TMC5: variants seen among roughly 807,000 people sequenced by gnomAD.
The protein encoded by TMC5 is transmembrane channel-like protein 5.
Under a neutral mutation model 110.5 loss-of-function variants are expected in TMC5, and 86 were observed. The ratio of observed to expected loss-of-function variants is 0.78; its 90% CI spans 0.65 to 0.93. TMC5 has a LOEUF of 0.93. Among genes scored for constraint, TMC5 ranks in the 40% least tolerant of loss-of-function variants. The probability of loss-of-function intolerance (pLI) is 0.00; values close to 1 mark genes in which losing one functional copy is unlikely to be tolerated. For synonymous variants in TMC5, 455 were observed against 439.5 expected (o/e 1.04, Z -0.44); for missense variants, 1,144 against 1,222.8 (o/e 0.94, Z 0.96).
chr16:19,487,439 C>G (rs11866114), intron 17 of TMC5, 113 bp downstream of exon 17: 129,480 of 1,371,756 alleles, frequency 0.094, 9,151 homozygotes, highest in East Asian at 0.39. Context: ...CAGTGGCTCA[C>G]GCCTGTGATC....
chr16:19,470,816 G>T (rs1156620548), intron 10 of TMC5, among the ~76,000 whole-genome samples: 22 of 150,114 alleles, frequency 1.5e-4, no homozygotes, highest in African/African-American at 5.2e-4. Context: ...GGCATATCAT[G>T]AGGTCAGGAG....
At position 19,436,295 on chromosome 16, in the gene TMC5, A is replaced by AAAAGAAAG. The variant is rs1491247478; in HGVS notation, c.-79-3665_-79-3664insAAAGAAAG. Among the ~76,000 whole-genome samples, 8 of 150,786 alleles carry AAAAGAAAG rather than the reference A, an allele frequency of 5.3e-5. No individual in the cohort carries two copies. The South Asian group carries it at 1.0e-3, about 20-fold the overall frequency. On this transcript the variant is annotated intron_variant, in intron 2 of 21. Coordinates refer to ENST00000542583, the MANE Select transcript of TMC5 (RefSeq NM_001261841.2). Reference sequence around the variant, plus strand: ...AAAGAAAAAAAAAAAGAAAGGAAAAAGAAAAAGAAAAACAGTTTCCGTGAA... The same window carrying AAAAGAAAG: ...AAAGAAAAAAAAAAAGAAAGGAAAAAAAAGAAAGGAAAAAGAAAAACAGTTTCCGTGAA...
At chr16:19,440,904 G>T in intron 3 of TMC5, 78 bp downstream of exon 3, 1 of 1,463,458 alleles carries the variant, frequency 6.8e-7, no homozygotes, top group Non-Finnish European at 9.3e-7. Flanking sequence ...TTTGGTTGGT[G>T]TGGTTTAGAT....
intron 1 of TMC5, among the ~76,000 whole-genome samples, chr16:19,428,222 C>T (rs1332930839): frequency 6.6e-6 from 1 of 151,680 alleles, no homozygotes; most frequent in African/African-American, 2.4e-5. Flanking sequence ...TTTTTAAAAA[C>T]AAATTTTACT....
At chr16:19,493,029 T>C (rs1192918916) in intron 19 of TMC5, among the ~76,000 whole-genome samples, 1 of 150,210 alleles carries the variant, frequency 6.7e-6, no homozygotes, top group Non-Finnish European at 1.5e-5. Context: ...TGGAGCAATC[T>C]TGGCTCACTG....
rs1305272559 is a variant in TMC5 at position 19,454,321 on chromosome 16, G to A, written c.1048+4690G>A. Among the ~76,000 whole-genome samples the A allele has an allele frequency of 2.6e-5, 4 of 152,074 alleles. No homozygotes were observed. In the East Asian group the frequency reaches 7.7e-4, roughly 29 times the overall value. On this transcript the variant is annotated intron_variant, in intron 5 of 21. Coordinates refer to ENST00000542583, the MANE Select transcript of TMC5 (RefSeq NM_001261841.2). ...TTGGCCTCCCAAAGTGCTGTGATTA[G>A]AGGCATAAACCACCACACCTGGCAA...
At chr16:19,434,125 A>G (rs1967263606) in intron 2 of TMC5, among the ~76,000 whole-genome samples, 1 of 101,426 alleles carries the variant, frequency 9.9e-6, no homozygotes, top group Non-Finnish European at 2.0e-5. Context: ...ATATCTATAT[A>G]TCTAAAATAT....
At chr16:19,446,036 G>C (rs1967606679) in intron 4 of TMC5, among the ~76,000 whole-genome samples, 1 of 144,304 alleles carries the variant, frequency 6.9e-6, no homozygotes, top group Non-Finnish European at 1.5e-5. Flanking sequence ...GGACCGGACA[G>C]GACAGGACAG....
chr16:19,463,914 T>C lies in TMC5; in HGVS notation c.1375T>C (p.Phe459Leu). ...YFNFLRWLLK[F>L]NIFSFILNFS... ...CAACTTTCTGAGATGGCTTTTGAAG[T>C]TCAACATTTTCTCATTCATCCTGAA... Residue 459 changes from phenylalanine (F) to leucine (L), a missense_variant, in exon 8 of 22, where the codon TTC becomes CTC. Transcript: ENST00000542583. 5 of 1,614,172 alleles carry C rather than the reference T, an allele frequency of 3.1e-6. No homozygotes were observed. Among genetic ancestry groups the C allele is most frequent in the Non-Finnish European group, 4.2e-6 (5 of 1,180,050 alleles).
At chr16:19,463,753 C>T in intron 7 of TMC5, 23 bp from the exon 8 acceptor site, 1 of 1,609,996 alleles carries the variant, frequency 6.2e-7, no homozygotes. Context: ...GCAAGCCACA[C>T]CTGCTTTGAA....
chr16:19,418,229 A>G (rs535376491), intron 1 of TMC5, 137 bp downstream of exon 1: 1 of 152,404 alleles, frequency 6.6e-6, no homozygotes, highest in Non-Finnish European at 1.5e-5. Context: ...GAATTGAGGC[A>G]CAACAGATGT....
intron 6 of TMC5, 94 bp downstream of exon 6, chr16:19,460,428 C>A: frequency 1.2e-6 from 1 of 856,946 alleles, no homozygotes; most frequent in South Asian, 1.7e-5. Flanking sequence ...AATAAATAAG[C>A]ACAATAGAAG....
At chr16:19,497,683 T>C (rs1358936568) in intron 21 of TMC5, among the ~76,000 whole-genome samples, 1 of 152,328 alleles carries the variant, frequency 6.6e-6, no homozygotes, top group African/African-American at 2.4e-5. Flanking sequence ...CTGGGGCTGA[T>C]GCCAGGAGAG....
chr16:19,420,890 G>C (rs993707030), intron 1 of TMC5, among the ~76,000 whole-genome samples: 9 of 152,180 alleles, frequency 5.9e-5, no homozygotes, highest in Non-Finnish European at 1.3e-4. Flanking sequence ...GCAAAATAGT[G>C]GCTTTCCAAA....
rs747487573 is a variant in TMC5, at chr16:19,498,028, C to A, written c.*62C>A. On this transcript the variant is annotated 3_prime_UTR_variant, in exon 22 of 22. Coordinates refer to ENST00000542583, the MANE Select transcript of TMC5 (RefSeq NM_001261841.2). ...GGAGGAGACGAAAATGGAATGATTT[C>A]TTCCATGCCACCTGTGCCTTTAGGA... 2.1e-5 allele frequency: 32 copies of A among 1,498,444 alleles called. No individual in the cohort carries two copies. The highest frequency in any genetic ancestry group is 9.3e-7 in the Non-Finnish European group (1 of 1,074,514). The allele number at this position is 1,498,444 out of a possible 1,614,324, so 92.8% of individuals were successfully genotyped here.
intron 10 of TMC5, among the ~76,000 whole-genome samples, chr16:19,470,194 G>GTTTTT (rs557157686): frequency 8.4e-6 from 1 of 119,588 alleles, no homozygotes; most frequent in African/African-American, 2.8e-5. Context: ...GCGCCCAGCT[G>GTTTTT]TTTTTTTTTT....
intron 4 of TMC5, 118 bp from the exon 5 acceptor site, chr16:19,449,423 AC>A: frequency 1.2e-6 from 1 of 814,358 alleles, no homozygotes; most frequent in Non-Finnish European, 2.1e-6. Flanking sequence ...AACCTCAAAG[AC>A]CAGGTCTCAG....
intron 12 of TMC5, 27 bp from the exon 13 acceptor site, chr16:19,477,413 A>G (rs767367957): frequency 6.6e-7 from 1 of 1,516,748 alleles, no homozygotes; most frequent in Non-Finnish European, 9.2e-7. Context: ...ATTGAAGGTA[A>G]TCATAAATGT....
chr16:19,446,425 A>G (rs1967616431), intron 4 of TMC5, among the ~76,000 whole-genome samples: 1 of 152,238 alleles, frequency 6.6e-6, no homozygotes, highest in Non-Finnish European at 1.5e-5. Flanking sequence ...ATGAAACAAG[A>G]TTGAGACATA....
Sources: gnomAD v4.1 joint callset for allele counts (sites outside exome capture counted in the v4.1 genomes callset) on GRCh38, gnomAD v4.1.1 for gene constraint, MANE v1.5 for transcripts, NCBI Gene and HGNC (gene_info 2026-07-23, HGNC 2026-07-21) for gene names.